INPP4B: variants seen among roughly 807,000 people sequenced by gnomAD.
INPP4B encodes inositol polyphosphate 4-phosphatase type II.
INPP4B carries 55 observed loss-of-function variants against 122.5 expected under a neutral mutation model. That is an observed-to-expected ratio of 0.45 (90% CI 0.36 to 0.56). The LOEUF (loss-of-function observed/expected upper bound fraction) is 0.56. INPP4B is among the 20% of genes least tolerant of loss of function. INPP4B has a pLI of 0.00. For synonymous variants in INPP4B, 403 were observed against 388.7 expected, an observed-to-expected ratio of 1.04 and a Z score of -0.43; for missense variants, 1,000 against 1,097.7, an observed-to-expected ratio of 0.91 and a Z score of 1.26.
At chr4:142,825,337 A>T (rs938863915) in intron 1 of INPP4B, among the ~76,000 whole-genome samples, 1 of 152,150 alleles carries the variant, frequency 6.6e-6, no homozygotes, top group Non-Finnish European at 1.5e-5. Flanking sequence ...ACAAAATTTG[A>T]ATGTTTTCAC....
chr4:142,554,386 G>GA (rs982688101), intron 2 of INPP4B, among the ~76,000 whole-genome samples: 2 of 131,080 alleles, frequency 1.5e-5, no homozygotes, highest in Admixed American at 7.5e-5. Flanking sequence ...AAAAAAAAAG[G>GA]AAAAAAAAGA....
chr4:142,488,713 T>C (rs1821485579), intron 2 of INPP4B, among the ~76,000 whole-genome samples: 1 of 152,140 alleles, frequency 6.6e-6, no homozygotes. Flanking sequence ...CCTCTTAATA[T>C]CTTTAGCATA....
chr4:142,126,083 C>A (rs151147198), intron 18 of INPP4B, among the ~76,000 whole-genome samples: 143 of 152,142 alleles, frequency 9.4e-4, no homozygotes, highest in African/African-American at 2.8e-3. Flanking sequence ...GATATAGAAA[C>A]AATTTATGTT....
chr4:142,160,632 T>C (rs1223756833), intron 16 of INPP4B, 71 bp from the exon 17 acceptor site: 3 of 1,157,752 alleles, frequency 2.6e-6, no homozygotes, highest in African/African-American at 3.0e-5. Context: ...AAAAGGTCAA[T>C]TGCAGATTTG....
chr4:142,433,176 T>C (rs1809698541), intron 3 of INPP4B, among the ~76,000 whole-genome samples: 1 of 152,152 alleles, frequency 6.6e-6, no homozygotes, highest in South Asian at 2.1e-4. Flanking sequence ...CAGAAGGAAT[T>C]AGTCACAAAG....
chr4:142,248,218 A>G (rs1419980406), intron 11 of INPP4B, among the ~76,000 whole-genome samples: 1 of 152,160 alleles, frequency 6.6e-6, no homozygotes, highest in Non-Finnish European at 1.5e-5. Flanking sequence ...ATCTATATCC[A>G]GACTCCAAGA....
At chr4:142,053,777 C>T (rs77865794) in intron 25 of INPP4B, among the ~76,000 whole-genome samples, 2,381 of 152,090 alleles carry the variant, frequency 0.016, 80 homozygotes, top group African/African-American at 0.055. Flanking sequence ...CAATAAGAAC[C>T]CCGATTCAGG....
At chr4:142,772,704 T>G (rs1561052153) in intron 1 of INPP4B, among the ~76,000 whole-genome samples, 1 of 152,144 alleles carries the variant, frequency 6.6e-6, no homozygotes, top group Non-Finnish European at 1.5e-5. Context: ...CAAAGGAGTG[T>G]GGGTAATGTA....
At chr4:142,566,166 G>A (rs138841473) in intron 2 of INPP4B, 10 of 152,300 alleles carry the variant, frequency 6.6e-5, no homozygotes, top group South Asian at 4.1e-4. Flanking sequence ...ACTGTGCCTC[G>A]AGGAGATTAA....
chr4:142,258,326 T>C (rs1737610724), intron 11 of INPP4B, among the ~76,000 whole-genome samples: 1 of 151,610 alleles, frequency 6.6e-6, no homozygotes, highest in African/African-American at 2.4e-5. Flanking sequence ...CCAAAAGCAA[T>C]GGCAACAAAA....
chr4:142,596,008 C>T (rs1483424316), intron 2 of INPP4B, among the ~76,000 whole-genome samples: 1 of 152,006 alleles, frequency 6.6e-6, no homozygotes, highest in East Asian at 1.9e-4. Flanking sequence ...ACCACCATGC[C>T]CAGCTAATTG....
At chr4:142,800,123 A>G (rs1182874271) in intron 1 of INPP4B, among the ~76,000 whole-genome samples, 2 of 152,122 alleles carry the variant, frequency 1.3e-5, no homozygotes, top group African/African-American at 4.8e-5. Flanking sequence ...ATGTTTTTGC[A>G]TAAAAAATTA....
At chr4:142,843,698 C>T (rs1783836351) in intron 1 of INPP4B, among the ~76,000 whole-genome samples, 1 of 151,662 alleles carries the variant, frequency 6.6e-6, no homozygotes, top group Non-Finnish European at 1.5e-5. Flanking sequence ...TCCATAATTT[C>T]TTAACTTTTT....
chr4:142,546,119 G>A (rs916570661), intron 2 of INPP4B, among the ~76,000 whole-genome samples: 11 of 151,802 alleles, frequency 7.2e-5, no homozygotes, highest in African/African-American at 2.7e-4. Context: ...CAATGTGTGT[G>A]TCGTTCCTCT....
chr4:142,735,281 A>C (rs1296590679), intron 1 of INPP4B, among the ~76,000 whole-genome samples: 1 of 152,220 alleles, frequency 6.6e-6, no homozygotes, highest in Non-Finnish European at 1.5e-5. Flanking sequence ...GGAAACACCC[A>C]GTGTCAGACT....
intron 3 of INPP4B, among the ~76,000 whole-genome samples, chr4:142,462,240 A>AT (rs1414908830): frequency 6.6e-6 from 1 of 152,084 alleles, no homozygotes; most frequent in African/African-American, 2.4e-5. Context: ...GAATTCTGTT[A>AT]TTTTACATCA....
intron 2 of INPP4B, among the ~76,000 whole-genome samples, chr4:142,475,247 A>G (rs1003529812): frequency 6.6e-6 from 1 of 151,818 alleles, no homozygotes; most frequent in Non-Finnish European, 1.5e-5. Context: ...CCACAAGCAA[A>G]TTTGCAAGGG....
chr4:142,537,400 GTA>G (rs34425745), intron 2 of INPP4B, among the ~76,000 whole-genome samples: 129 of 32,970 alleles, frequency 3.9e-3, no homozygotes, highest in African/African-American at 8.5e-3. Context: ...TTTACATACA[GTA>G]TATATATATA....
intron 1 of INPP4B, among the ~76,000 whole-genome samples, chr4:142,768,694 G>C (rs1170651513): frequency 6.6e-6 from 1 of 152,172 alleles, no homozygotes; most frequent in Non-Finnish European, 1.5e-5. Context: ...AACATATACA[G>C]AAGCAAGTCA....
Sources: gnomAD v4.1 joint callset for allele counts (sites outside exome capture counted in the v4.1 genomes callset) on GRCh38, gnomAD v4.1.1 for gene constraint, MANE v1.5 for transcripts, NCBI Gene and HGNC (gene_info 2026-07-23, HGNC 2026-07-21) for gene names.